The following NME7 variants were observed in gnomAD, a reference collection of about 807,000 sequenced individuals.
NME7 encodes NME/NM23 family member 7.
A neutral mutation model predicts 49.1 loss-of-function variants in NME7; 41 were observed. That is an observed-to-expected ratio of 0.83 (90% CI 0.65 to 1.08). The LOEUF (loss-of-function observed/expected upper bound fraction) is 1.08. NME7 is among the 50% of genes least tolerant of loss of function. The pLI, the probability that NME7 is intolerant of heterozygous loss-of-function variation, is 0.00. For missense variants in NME7, 423 were observed against 463.4 expected, an observed-to-expected ratio of 0.91 and a Z score of 0.80; for synonymous variants, 139 against 150.6, an observed-to-expected ratio of 0.92 and a Z score of 0.56.
rs1557831001 is a variant in NME7 at position 169,342,489 on chromosome 1, A to ATATATATATACAAGTACATATATATATAG, written c.4-18018_4-17990dup. On this transcript the variant is annotated intron_variant, in intron 1 of 11. Transcript: ENST00000367811. ...TACATATATATACTTGTATTAGTAT[A>ATATATATATACAAGTACATATATATATAG]TATATATATACAAGTACATATATAT... is the stretch of plus-strand genomic sequence containing the variant. Among the ~76,000 whole-genome samples, 82 of 138,838 alleles carry ATATATATATACAAGTACATATATATATAG rather than the reference A, an allele frequency of 5.9e-4. 16 individuals carry two copies. Among genetic ancestry groups the ATATATATATACAAGTACATATATATATAG allele is most frequent in the Non-Finnish European group, 1.1e-3 (71 of 64,930 alleles). 91.1% of individuals were successfully genotyped at this position (138,838 alleles called of 152,430 possible).
At chr1:169,206,627 A>G (rs1465072054) in intron 10 of NME7, among the ~76,000 whole-genome samples, 1 of 152,150 alleles carries the variant, frequency 6.6e-6, no homozygotes, top group Non-Finnish European at 1.5e-5. Flanking sequence ...TCTCAAAGCA[A>G]TGTTTTTAAA....
intron 11 of NME7, among the ~76,000 whole-genome samples, chr1:169,165,439 T>C (rs1240009424): frequency 6.6e-6 from 1 of 152,212 alleles, no homozygotes; most frequent in Non-Finnish European, 1.5e-5. Context: ...AGAAGTAGCA[T>C]GTTCCCCTCT....
At chr1:169,251,389 T>A (rs1269538847) in intron 7 of NME7, among the ~76,000 whole-genome samples, 1 of 152,050 alleles carries the variant, frequency 6.6e-6, no homozygotes. Flanking sequence ...GTGAGTCTCT[T>A]GAAGACAGTA....
chr1:169,209,233 T>C (rs1571293003), intron 10 of NME7, among the ~76,000 whole-genome samples: 1 of 152,090 alleles, frequency 6.6e-6, no homozygotes, highest in African/African-American at 2.4e-5. Context: ...ACCTAATAGA[T>C]GCCAAAGTTA....
chr1:169,244,421 C>G (rs567914573), intron 7 of NME7, among the ~76,000 whole-genome samples: 7 of 151,682 alleles, frequency 4.6e-5, no homozygotes, highest in Non-Finnish European at 4.4e-5. Flanking sequence ...ATGATGAGAT[C>G]AGGAGATCGA....
intron 7 of NME7, among the ~76,000 whole-genome samples, chr1:169,274,317 G>GT (rs1649612419): frequency 8.0e-6 from 1 of 125,522 alleles, no homozygotes; most frequent in East Asian, 2.0e-4. Flanking sequence ...GGGGTTGTTT[G>GT]TTTTTTTCTT....
intron 8 of NME7, 44 bp from the exon 9 acceptor site, chr1:169,235,243 C>A: frequency 9.5e-7 from 1 of 1,057,340 alleles, no homozygotes; most frequent in Non-Finnish European, 1.4e-6. Context: ...AACCAACCAA[C>A]AAAAGGGAAA....
chr1:169,287,302 C>T lies in NME7; in HGVS notation c.754+1G>A, dbSNP rs146620013. Reference sequence around the variant, plus strand: ...TACTGAATATAGTGTATTCAACATACCTTCACTGACAGCATGGGGTTTAAC... The same window carrying T: ...TACTGAATATAGTGTATTCAACATATCTTCACTGACAGCATGGGGTTTAAC... On this transcript the variant is annotated splice_donor_variant, in intron 7 of 11. Coordinates refer to ENST00000367811, the MANE Select transcript of NME7 (RefSeq NM_013330.5). LOFTEE classifies it high-confidence loss of function. The T allele has an allele frequency of 3.7e-6, 6 of 1,606,160 alleles. No individual in the cohort carries two copies. The highest frequency in any genetic ancestry group is 3.4e-6 in the Non-Finnish European group (4 of 1,173,858).
chr1:169,287,773 C>T (rs1299834523), intron 6 of NME7, among the ~76,000 whole-genome samples: 1 of 151,920 alleles, frequency 6.6e-6, no homozygotes. Context: ...TTAAATTTTT[C>T]ATTAAAATAT....
At chr1:169,216,523 A>C (rs1660977906) in intron 10 of NME7, among the ~76,000 whole-genome samples, 1 of 152,224 alleles carries the variant, frequency 6.6e-6, no homozygotes, top group Admixed American at 6.5e-5. Flanking sequence ...ATCCTTTGTA[A>C]TATCCTTTAT....
At chr1:169,227,779 T>C (rs1455267134) in intron 10 of NME7, among the ~76,000 whole-genome samples, 1 of 152,092 alleles carries the variant, frequency 6.6e-6, no homozygotes, top group Non-Finnish European at 1.5e-5. Context: ...GGGGATTAAG[T>C]TTCCAACACA....
chr1:169,345,250 C>T (rs1652914660), intron 1 of NME7, among the ~76,000 whole-genome samples: 1 of 140,910 alleles, frequency 7.1e-6, no homozygotes, highest in African/African-American at 2.6e-5. Context: ...CAAAGTTTTG[C>T]CTATGTTAAT....
At chr1:169,355,720 T>G (rs1653447669) in intron 1 of NME7, among the ~76,000 whole-genome samples, 1 of 152,000 alleles carries the variant, frequency 6.6e-6, no homozygotes, top group Non-Finnish European at 1.5e-5. Context: ...TAAGGAGGCT[T>G]CTCTGACCAG....
chr1:169,155,967 T>A (rs1659055786), intron 11 of NME7, among the ~76,000 whole-genome samples: 1 of 152,024 alleles, frequency 6.6e-6, no homozygotes, highest in African/African-American at 2.4e-5. Context: ...ATTCTCAGGC[T>A]CTATCTCAGG....
intron 6 of NME7, among the ~76,000 whole-genome samples, chr1:169,294,772 T>C (rs576539650): frequency 3.9e-5 from 6 of 152,306 alleles, no homozygotes; most frequent in Middle Eastern, 6.8e-3. Context: ...AAAAATTAAA[T>C]GCACAAAATA....
intron 10 of NME7, among the ~76,000 whole-genome samples, chr1:169,194,226 C>T (rs1487908029): frequency 6.6e-6 from 1 of 152,056 alleles, no homozygotes. Flanking sequence ...GCTAAGGTGG[C>T]ACACATGGAA....
rs12757242 is a variant in NME7, at chr1:169,219,903, G to A, written c.990+10815C>T. 0.055 allele frequency among the ~76,000 whole-genome samples: 8,413 copies of A among 152,180 alleles called. 1,382 individuals are homozygous for A. The East Asian group carries it at 0.67, about 12-fold the overall frequency. Reference sequence around the variant, plus strand: ...CTCTAAATCTCCTATTCTGAAATGCGTTCCAATATACCTTATATGATGAAG... The same window carrying A: ...CTCTAAATCTCCTATTCTGAAATGCATTCCAATATACCTTATATGATGAAG... On this transcript the variant is annotated intron_variant, in intron 10 of 11. Transcript: ENST00000367811.
chr1:169,284,001 T>A (rs891964930), intron 7 of NME7: 1 of 152,212 alleles, frequency 6.6e-6, no homozygotes, highest in African/African-American at 2.4e-5. Flanking sequence ...TCTGTTTTGC[T>A]AGTTTGGGGA....
rs973625856 is a variant in NME7, at chr1:169,261,885, G to C, written c.755-24198C>G. On this transcript the variant is annotated intron_variant, in intron 7 of 11. Coordinates refer to ENST00000367811, the MANE Select transcript of NME7 (RefSeq NM_013330.5). Reference sequence around the variant, plus strand: ...GTGGTTCTGTTGCACACTAAAGTTTGAGAAGCACTATCTAGCATCTTAGTG... The same window carrying C: ...GTGGTTCTGTTGCACACTAAAGTTTCAGAAGCACTATCTAGCATCTTAGTG... 1.3e-4 allele frequency among the ~76,000 whole-genome samples: 18 copies of C among 134,228 alleles called. 3 individuals carry two copies. The highest frequency in any genetic ancestry group is 1.1e-4 in the Non-Finnish European group (6 of 57,074). The allele number at this position is 134,228 out of a possible 152,430, so 88.1% of individuals were successfully genotyped here. A position where few individuals can be genotyped will look rare whatever the true frequency, so the allele number is the denominator to read the frequency against.
Sources: gnomAD v4.1 joint callset for allele counts (sites outside exome capture counted in the v4.1 genomes callset) on GRCh38, gnomAD v4.1.1 for gene constraint, MANE v1.5 for transcripts, NCBI Gene and HGNC (gene_info 2026-07-23, HGNC 2026-07-21) for gene names.